The following DIP2C variants were observed in gnomAD, a reference collection of about 807,000 sequenced individuals.
DIP2C encodes the protein DIP2 acetate--CoA ligase C (putative), also known as disco-interacting protein 2 homolog C.
Under a neutral mutation model 192.4 loss-of-function variants are expected in DIP2C, and 33 were observed. The ratio of observed to expected loss-of-function variants is 0.17; its 90% CI spans 0.13 to 0.23. DIP2C has a LOEUF of 0.23. DIP2C is among the 10% of genes least tolerant of loss of function. The pLI is 1.00. For synonymous variants in DIP2C, 979 were observed against 864.1 expected, an observed-to-expected ratio of 1.13 and a Z score of -2.33; for missense variants, 1,537 against 2,110.1, an observed-to-expected ratio of 0.73 and a Z score of 5.32.
intron 1 of DIP2C, among the ~76,000 whole-genome samples, chr10:529,641 C>T (rs1847256410): frequency 6.6e-6 from 1 of 152,182 alleles, no homozygotes; most frequent in African/African-American, 2.4e-5. Flanking sequence ...AGGGCAGCTG[C>T]AGCAGCACCT....
chr10:588,490 A>C (rs930688660), intron 1 of DIP2C, among the ~76,000 whole-genome samples: 10 of 152,236 alleles, frequency 6.6e-5, no homozygotes, highest in Non-Finnish European at 1.2e-4. Context: ...GAGGTCAGGG[A>C]AAGTTCAACC....
chr10:383,627 T>C (rs896731827), intron 16 of DIP2C, among the ~76,000 whole-genome samples: 6 of 152,226 alleles, frequency 3.9e-5, no homozygotes, highest in African/African-American at 1.4e-4. Flanking sequence ...CAGTCAAGTA[T>C]TTCTTGAATA....
intron 1 of DIP2C, among the ~76,000 whole-genome samples, chr10:684,202 A>G (rs1039426342): frequency 6.6e-6 from 1 of 152,288 alleles, no homozygotes; most frequent in African/African-American, 2.4e-5. Context: ...AAGCCCACAC[A>G]TATCAGTGCT....
intron 1 of DIP2C, among the ~76,000 whole-genome samples, chr10:572,172 T>C (rs2131532054): frequency 6.6e-6 from 1 of 152,340 alleles, no homozygotes; most frequent in African/African-American, 2.4e-5. Flanking sequence ...CTCGACAGCC[T>C]CATGGCTCCA....
chr10:511,722 GCT>G (rs1444354740), intron 1 of DIP2C, among the ~76,000 whole-genome samples: 1 of 152,142 alleles, frequency 6.6e-6, no homozygotes, highest in Non-Finnish European at 1.5e-5. Flanking sequence ...GCGGCTCCGA[GCT>G]CTCTTCACAG....
chr10:388,821 G>A lies in DIP2C; in HGVS notation c.1598-1012C>T, dbSNP rs192914714. On this transcript the variant is annotated intron_variant, in intron 13 of 36. Coordinates refer to ENST00000280886, the MANE Select transcript of DIP2C (RefSeq NM_014974.3). ...GCTTCGTGAAGTTCCAGAAAGAGAC[G>A]CCAGGCAGGGGTGCACGCCGCAGCG... Among the ~76,000 whole-genome samples the A allele has an allele frequency of 4.0e-3, 609 of 152,374 alleles. 2 individuals are homozygous for A. The highest frequency in any genetic ancestry group is 0.014 in the Middle Eastern group (4 of 294).
At chr10:480,781 G>A (rs1016766277) in intron 2 of DIP2C, among the ~76,000 whole-genome samples, 16 of 152,226 alleles carry the variant, frequency 1.1e-4, no homozygotes, top group Non-Finnish European at 2.1e-4. Flanking sequence ...GGCAGAACAC[G>A]TCTCCGGCAG....
chr10:440,043 A>G (rs1198966030), intron 4 of DIP2C, among the ~76,000 whole-genome samples: 1 of 152,228 alleles, frequency 6.6e-6, no homozygotes, highest in Non-Finnish European at 1.5e-5. Flanking sequence ...ACGTAGGTTC[A>G]ATCCATGTTT....
intron 1 of DIP2C, 31 bp from the exon 2 acceptor site, chr10:486,561 G>A (rs778043807): frequency 8.2e-6 from 13 of 1,577,812 alleles, no homozygotes; most frequent in African/African-American, 4.1e-5. Flanking sequence ...AGTTCAGTAT[G>A]GTCTCCGTGG....
chr10:432,855 T>C (rs1966883409), intron 4 of DIP2C, among the ~76,000 whole-genome samples: 1 of 152,220 alleles, frequency 6.6e-6, no homozygotes, highest in Non-Finnish European at 1.5e-5. Flanking sequence ...TTCATTTACT[T>C]CAAAACTTTA....
Position 363,316 on chromosome 10 carries a change from G to A in DIP2C, c.2478-5C>T, listed in dbSNP as rs768895324. 2.9e-5 allele frequency: 47 copies of A among 1,609,740 alleles called. No homozygotes were observed. The African/African-American group carries it at 3.1e-4, about 11-fold the overall frequency. ...GTCACCGAGAACACGGCTATCCTGC[G>A]GGGACACAGGAGCATGGTGAGCACG... On this transcript the variant is annotated splice_region_variant and splice_polypyrimidine_tract_variant and intron_variant, in intron 20 of 36. Transcript: ENST00000280886. This position sits in a 1 kb window ranked among gnomAD's most constrained non-coding sequence, Gnocchi z 5.4.
chr10:292,657 T>A (rs887021909), intron 32 of DIP2C, among the ~76,000 whole-genome samples: 21 of 152,168 alleles, frequency 1.4e-4, no homozygotes, highest in Non-Finnish European at 3.1e-4. Context: ...GTCTGTGAGG[T>A]CTTCATTCTT....
intron 1 of DIP2C, among the ~76,000 whole-genome samples, chr10:524,049 G>A (rs1186122383): frequency 1.3e-5 from 2 of 152,072 alleles, no homozygotes; most frequent in Admixed American, 1.3e-4. Context: ...GCCCGAGGCT[G>A]GTTCCACCTC....
chr10:614,116 C>G (rs1588605661), intron 1 of DIP2C, among the ~76,000 whole-genome samples: 1 of 152,218 alleles, frequency 6.6e-6, no homozygotes, highest in African/African-American at 2.4e-5. Context: ...AAGCTGACAA[C>G]GCTGCATTCT....
chr10:275,532 CTT>C lies in DIP2C; in HGVS notation c.*1791_*1792del, dbSNP rs1954471476. 1 of 139,956 alleles carries C rather than the reference CTT, an allele frequency of 7.1e-6. No homozygotes were observed. The highest frequency in any genetic ancestry group is 1.5e-5 in the Non-Finnish European group (1 of 66,144). The allele number at this position is 139,956 out of a possible 1,614,324, so 8.7% of individuals were successfully genotyped here. Reference sequence around the variant, plus strand: ...TGGATCTCAGAAGTCAAACAAAACTCTTTTAGCAAAAGGCTTACTGCTGACTG... The same window carrying C: ...TGGATCTCAGAAGTCAAACAAAACTCTTAGCAAAAGGCTTACTGCTGACTG... On this transcript the variant is annotated 3_prime_UTR_variant, in exon 37 of 37. Transcript: ENST00000280886.
At chr10:486,341 G>T in intron 2 of DIP2C, 118 bp downstream of exon 2, 2 of 910,196 alleles carry the variant, frequency 2.2e-6, no homozygotes, top group Non-Finnish European at 3.3e-6. Flanking sequence ...GAGGGTGAAC[G>T]CCAGACGCCT....
intron 29 of DIP2C, among the ~76,000 whole-genome samples, chr10:337,269 T>G (rs1957859689): frequency 6.9e-6 from 1 of 144,308 alleles, no homozygotes; most frequent in Non-Finnish European, 1.5e-5. Context: ...CCTAGGCTGA[T>G]GTGTGTGTGT....
rs12770984 is a variant in DIP2C, at chr10:532,670, A to T, written c.86-46140T>A. ...GGGTGTGAGAGAGAGTATGGGTGTG[A>T]GAGAGAGTATGGGTGTGAGAGAGTA... On this transcript the variant is annotated intron_variant, in intron 1 of 36. Coordinates refer to ENST00000280886, the MANE Select transcript of DIP2C (RefSeq NM_014974.3). 6.0e-4 allele frequency among the ~76,000 whole-genome samples: 36 copies of T among 59,888 alleles called. 4 individuals are homozygous for T. Among genetic ancestry groups the T allele is most frequent in the Middle Eastern group, 0.01 (1 of 98 alleles). 39.3% of individuals were successfully genotyped at this position (59,888 alleles called of 152,430 possible). A position where few individuals can be genotyped will look rare whatever the true frequency, so the allele number is the denominator to read the frequency against.
Position 419,520 on chromosome 10 carries a change from C to T in DIP2C, c.605-321G>A, listed in dbSNP as rs151058732. 2.0e-4 allele frequency among the ~76,000 whole-genome samples: 30 copies of T among 152,312 alleles called. 1 individual carries two copies. Among genetic ancestry groups the T allele is most frequent in the African/African-American group, 6.5e-4 (27 of 41,556 alleles). ...GCGTCAGGAACCCTGTGTGTGTTCA[C>T]GGAGGGGTCCTGTTTCCTGTCTGCC... On this transcript the variant is annotated intron_variant, in intron 5 of 36. Coordinates refer to ENST00000280886, the MANE Select transcript of DIP2C (RefSeq NM_014974.3).
Sources: allele counts gnomAD v4.1 joint callset (sites outside exome capture counted in the v4.1 genomes callset), GRCh38; gene constraint gnomAD v4.1.1; non-coding constraint Gnocchi (gnomAD v3.1); transcripts MANE v1.5; gene names NCBI Gene and HGNC (gene_info 2026-07-23, HGNC 2026-07-21).